Variants in IL17RB observed in about 807,000 individuals in gnomAD.
IL17RB encodes the protein interleukin 17 receptor B.
A neutral mutation model predicts 43.9 loss-of-function variants in IL17RB; 36 were observed. The ratio of observed to expected loss-of-function variants is 0.82; its 90% confidence interval spans 0.63 to 1.08. The LOEUF (loss-of-function observed/expected upper bound fraction) is 1.08. Ranked by LOEUF, IL17RB falls within the 50% of genes least tolerant of loss-of-function variation. IL17RB has a pLI of 0.00. For synonymous variants in IL17RB, 225 were observed against 225.4 expected (o/e 1.00, Z 0.02); for missense variants, 613 against 613.6 (o/e 1.00, Z 0.01).
intron 5 of IL17RB, among the ~76,000 whole-genome samples, chr3:53,854,282 C>A (rs565289137): frequency 6.6e-6 from 1 of 152,194 alleles, no homozygotes; most frequent in Non-Finnish European, 1.5e-5. Context: ...CTCCTATTAA[C>A]GTCTTGTATT....
chr3:53,852,333 G>A (rs1026200706), intron 4 of IL17RB, among the ~76,000 whole-genome samples: 1 of 152,000 alleles, frequency 6.6e-6, no homozygotes, highest in Admixed American at 6.6e-5. Context: ...GTAGAGGGGG[G>A]TTTCACCGTG....
In IL17RB at chr3:53,858,049, C is replaced by T. The variant is rs28385747; in HGVS notation, c.747+359C>T. 6.8e-3 allele frequency: 1,741 copies of T among 256,716 alleles called. 20 individuals carry two copies. Among genetic ancestry groups the T allele is most frequent in the African/African-American group, 0.034 (1,530 of 45,564 alleles). The allele number at this position is 256,716 out of a possible 1,614,324, so 15.9% of individuals were successfully genotyped here. ...ATGGGAAGGTTTGAGTTCCAGGCAG[C>T]GTATGAACTCTGGAGAGGGGCTGCC... On this transcript the variant is annotated intron_variant, in intron 8 of 10. Transcript: ENST00000288167.
At chr3:53,853,630 T>G (rs1055960184) in intron 5 of IL17RB, among the ~76,000 whole-genome samples, 3 of 152,192 alleles carry the variant, frequency 2.0e-5, no homozygotes, top group African/African-American at 7.2e-5. Context: ...AGGGCTGTGA[T>G]GAGGATGAGA....
chr3:53,849,856 CTA>C (rs1462280281), intron 3 of IL17RB, 61 bp downstream of exon 3: 5 of 1,448,828 alleles, frequency 3.5e-6, no homozygotes, highest in Admixed American at 4.5e-5. Flanking sequence ...AATGTGCAGA[CTA>C]TATGAACCAT....
chr3:53,864,467 G>A (rs539023684), intron 10 of IL17RB, among the ~76,000 whole-genome samples: 14 of 152,232 alleles, frequency 9.2e-5, no homozygotes, highest in Admixed American at 3.3e-4. Flanking sequence ...CCCAGGAGGC[G>A]GAGGTTGTAG....
At chr3:53,855,412 T>C (rs2232338) in intron 6 of IL17RB, 71 bp downstream of exon 6, 48,853 of 1,088,892 alleles carry the variant, frequency 0.045, 1,339 homozygotes, top group Middle Eastern at 0.078. Context: ...GCTCTCTTCA[T>C]CTTTGCACAG....
At chr3:53,861,064 T>A (rs1699545794) in intron 10 of IL17RB, 1 of 152,220 alleles carries the variant, frequency 6.6e-6, no homozygotes, top group Non-Finnish European at 1.5e-5. Flanking sequence ...GCTCAAGGGT[T>A]GCAAGTATCG....
chr3:53,855,917 C>G (rs1699318249), intron 6 of IL17RB, among the ~76,000 whole-genome samples: 1 of 152,136 alleles, frequency 6.6e-6, no homozygotes, highest in Non-Finnish European at 1.5e-5. Context: ...TCCCTAGTGC[C>G]CAGTTTCCAA....
At chr3:53,858,305 G>C (rs1699425157) in intron 8 of IL17RB, 1 of 1,001,436 alleles carries the variant, frequency 1.0e-6, no homozygotes, top group South Asian at 4.2e-5. Context: ...GGGTATGATG[G>C]CTACTACCCT....
intron 7 of IL17RB, 54 bp from the exon 8 acceptor site, chr3:53,857,562 G>T: frequency 6.6e-7 from 1 of 1,520,148 alleles, no homozygotes; most frequent in Non-Finnish European, 9.1e-7. Context: ...TGGGATTACA[G>T]GGGTGAGCCA....
chr3:53,855,774 G>A (rs375844326), intron 6 of IL17RB, among the ~76,000 whole-genome samples: 39 of 152,196 alleles, frequency 2.6e-4, no homozygotes, highest in African/African-American at 9.2e-4. Context: ...AACATTCGAG[G>A]TGGGAGTGTG....
At chr3:53,853,088 G>C (rs978069835) in intron 5 of IL17RB, 91 bp downstream of exon 5, 5 of 1,490,014 alleles carry the variant, frequency 3.4e-6, no homozygotes, top group Non-Finnish European at 4.6e-6. Context: ...CCCTGGATAA[G>C]GCTTTTGGCC....
Position 53,846,593 on chromosome 3 carries a change from C to A in IL17RB, c.5C>A (p.Ser2Ter). The A allele has an allele frequency of 2.5e-6, 4 of 1,584,412 alleles. No homozygotes were observed. The highest frequency in any genetic ancestry group is 3.4e-6 in the Non-Finnish European group (4 of 1,169,976). Residue 2 changes from serine (S) to a stop codon, truncating the protein, a stop_gained, in exon 1 of 11, where the codon TCG becomes TAG. Transcript: ENST00000288167. LOFTEE classifies it high-confidence loss of function. ...ATCCCGCGCAGTGGCCCGGCGATGT[C>A]GCTCGTGCTGCTAAGCCTGGCCGCG... is the stretch of plus-strand genomic sequence containing the variant. M[S>*]LVLLSLAALC...
intron 4 of IL17RB, among the ~76,000 whole-genome samples, 176 bp downstream of exon 4, chr3:53,852,302 T>C (rs1397351831): frequency 6.6e-6 from 1 of 152,002 alleles, no homozygotes; most frequent in East Asian, 1.9e-4. Context: ...CCACCAGACC[T>C]GGCTAATTTT....
At chr3:53,848,765 C>A in intron 2 of IL17RB, 77 bp downstream of exon 2, 2 of 1,447,622 alleles carry the variant, frequency 1.4e-6, no homozygotes, top group Non-Finnish European at 1.9e-6. Flanking sequence ...CTAATATAGG[C>A]AATAGGTCAT....
intron 1 of IL17RB, 90 bp from the exon 2 acceptor site, chr3:53,848,574 A>T: frequency 7.9e-7 from 1 of 1,264,410 alleles, no homozygotes; most frequent in Non-Finnish European, 1.2e-6. Context: ...ATATGCATTT[A>T]AGGGGAAAAT....
In IL17RB at chr3:53,852,903, G is replaced by A. The variant is rs139335430; in HGVS notation, c.387G>A (p.Glu129=). Residue 129 remains glutamate (E), a synonymous_variant, in exon 5 of 11, where the codon GAG becomes GAA. Transcript: ENST00000288167. ...WTFSYIGFPV[E]LNTVYFIGAH... is the part of the protein sequence containing the mutation. ...TTTCCTACATCGGCTTCCCTGTAGA[G>A]CTGAACACAGTCTATTTCATTGGGG... 39 of 1,613,774 alleles carry A rather than the reference G, an allele frequency of 2.4e-5. No individual in the cohort carries two copies. Among genetic ancestry groups the A allele is most frequent in the Non-Finnish European group, 3.2e-5 (38 of 1,179,766 alleles).
At chr3:53,863,543 A>G (rs1699649559) in intron 10 of IL17RB, among the ~76,000 whole-genome samples, 1 of 152,210 alleles carries the variant, frequency 6.6e-6, no homozygotes, top group African/African-American at 2.4e-5. Flanking sequence ...GAATTCTTAC[A>G]TTTAGGGATG....
chr3:53,857,560 C>T lies in IL17RB; in HGVS notation c.673-56C>T, dbSNP rs932692825. The T allele has an allele frequency of 2.3e-5, 34 of 1,510,334 alleles. No homozygotes were observed. In the African/African-American group the frequency reaches 3.4e-4, roughly 15 times the overall value. 93.6% of individuals were successfully genotyped at this position (1,510,334 alleles called of 1,614,324 possible). A position where few individuals can be genotyped will look rare whatever the true frequency, so the allele number is the denominator to read the frequency against. On this transcript the variant is annotated intron_variant, in intron 7 of 10. Coordinates refer to ENST00000288167, the MANE Select transcript of IL17RB (RefSeq NM_018725.4). ...TTGGCCTCCCAAAGTGTTGGGATTA[C>T]AGGGGTGAGCCAGTGCACCTGGCAC...
Sources: gnomAD v4.1 joint callset for allele counts (sites outside exome capture counted in the v4.1 genomes callset) on GRCh38, gnomAD v4.1.1 for gene constraint, MANE v1.5 for transcripts, NCBI Gene and HGNC (gene_info 2026-07-23, HGNC 2026-07-21) for gene names.